CCDC30: variants seen among roughly 807,000 people sequenced by gnomAD.
CCDC30 encodes the protein coiled-coil domain-containing protein 30.
In CCDC30, 70 loss-of-function variants were observed where a neutral mutation model predicts 100.2. That is an observed-to-expected ratio of 0.70 (90% CI 0.58 to 0.85). CCDC30 has a LOEUF of 0.85. Ranked by LOEUF, CCDC30 falls within the 40% of genes least tolerant of loss-of-function variation. CCDC30 has a pLI of 0.00. For synonymous variants in CCDC30, 233 were observed against 269.5 expected (o/e 0.86, Z 1.33); for missense variants, 652 against 771.2 (o/e 0.85, Z 1.83).
At chr1:42,521,322 G>GT (rs998243641) in intron 6 of CCDC30, 1 of 154,482 alleles carries the variant, frequency 6.5e-6, no homozygotes, top group African/African-American at 2.4e-5. Context: ...TGATCCATTG[G>GT]TTTTTTAAAA....
At chr1:42,534,355 G>GA (rs1250250146) in intron 6 of CCDC30, among the ~76,000 whole-genome samples, 1 of 152,128 alleles carries the variant, frequency 6.6e-6, no homozygotes, top group Non-Finnish European at 1.5e-5. Context: ...GTGTGAATCT[G>GA]AAAAAATATT....
At chr1:42,649,352 A>C (rs1648145385) in intron 15 of CCDC30, among the ~76,000 whole-genome samples, 1 of 152,262 alleles carries the variant, frequency 6.6e-6, no homozygotes. Flanking sequence ...GACAAAAACC[A>C]TATGATCATC....
At chr1:42,634,162 G>T (rs949908077) in intron 11 of CCDC30, among the ~76,000 whole-genome samples, 1 of 149,598 alleles carries the variant, frequency 6.7e-6, no homozygotes, top group Non-Finnish European at 1.5e-5. Context: ...CAATAGTGAT[G>T]CACACCTCTA....
At chr1:42,457,119 C>T in the CCDC30 span, 1 of 1,575,966 alleles carries the variant, frequency 6.3e-7, no homozygotes, top group Non-Finnish European at 8.6e-7. Flanking sequence ...CACAGCCTTT[C>T]TTTCCAGCCA....
chr1:42,509,010 C>A (rs751867052), intron 6 of CCDC30, among the ~76,000 whole-genome samples: 1 of 152,152 alleles, frequency 6.6e-6, no homozygotes, highest in Non-Finnish European at 1.5e-5. Context: ...TTGAACTTTA[C>A]AAAAAGTAAC....
At chr1:42,456,229 G>C in the CCDC30 span, 6 of 608,952 alleles carry the variant, frequency 9.9e-6, no homozygotes, top group East Asian at 5.5e-5. Context: ...GCCGAGAAAC[G>C]ACTCCCAAGG....
chr1:42,649,464 G>A (rs1332323997), intron 15 of CCDC30, among the ~76,000 whole-genome samples: 4 of 152,062 alleles, frequency 2.6e-5, no homozygotes, highest in African/African-American at 9.7e-5. Flanking sequence ...TACAATAAAG[G>A]CCATATATGA....
At chr1:42,502,042 C>T (rs1644321701) in intron 6 of CCDC30, among the ~76,000 whole-genome samples, 1 of 152,170 alleles carries the variant, frequency 6.6e-6, no homozygotes, top group Admixed American at 6.5e-5. Flanking sequence ...TCAGCTATGC[C>T]CTGCCCCCAG....
At chr1:42,479,566 T>TAAAAA (rs34698340) in intron 1 of CCDC30, among the ~76,000 whole-genome samples, 1 of 135,448 alleles carries the variant, frequency 7.4e-6, no homozygotes, top group Non-Finnish European at 1.6e-5. Flanking sequence ...GACATATGCT[T>TAAAAA]AAAAAAAAAA....
chr1:42,583,143 C>A (rs750831159), intron 9 of CCDC30, among the ~76,000 whole-genome samples: 3 of 152,196 alleles, frequency 2.0e-5, no homozygotes, highest in Non-Finnish European at 1.5e-5. Context: ...CTCATCCCTT[C>A]TTAAAATGAC....
intron 12 of CCDC30, among the ~76,000 whole-genome samples, chr1:42,640,768 C>T (rs1647323369): frequency 6.6e-6 from 1 of 151,820 alleles, no homozygotes. Flanking sequence ...GTGGTGGGCA[C>T]CTATAATGTC....
intron 6 of CCDC30, chr1:42,556,299 T>C (rs746245913): frequency 6.2e-7 from 1 of 1,613,998 alleles, no homozygotes. Context: ...CAGTTAACCA[T>C]GAAGCCTGAG....
At chr1:42,593,238 T>C (rs895132871) in intron 10 of CCDC30, 1 of 152,220 alleles carries the variant, frequency 6.6e-6, no homozygotes. Flanking sequence ...CACAACCCTC[T>C]CCTTGGGTTT....
At chr1:42,467,235 A>G (rs1284524376) in intron 1 of CCDC30, among the ~76,000 whole-genome samples, 2 of 152,362 alleles carry the variant, frequency 1.3e-5, no homozygotes, top group South Asian at 4.1e-4. Context: ...AAGGTTAAGC[A>G]GCAAGTGATT....
the CCDC30 span, chr1:42,456,874 C>G: frequency 1.9e-6 from 3 of 1,613,214 alleles, no homozygotes; most frequent in Non-Finnish European, 1.7e-6. Flanking sequence ...CTTGGCTGTC[C>G]GCTCTGCGGC....
intron 6 of CCDC30, chr1:42,545,480 A>G (rs1281099102): frequency 1.2e-6 from 2 of 1,605,562 alleles, no homozygotes. Context: ...GCACCTTCTA[A>G]TTTAATTACA....
chr1:42,527,172 C>T (rs899360862), intron 6 of CCDC30, among the ~76,000 whole-genome samples: 2 of 152,218 alleles, frequency 1.3e-5, no homozygotes, highest in African/African-American at 2.4e-5. Flanking sequence ...TGTCCTCTGA[C>T]TGCCTCAGTA....
intron 1 of CCDC30, among the ~76,000 whole-genome samples, chr1:42,472,824 A>G (rs1257447301): frequency 6.6e-6 from 1 of 152,218 alleles, no homozygotes; most frequent in African/African-American, 2.4e-5. Flanking sequence ...GTCTGACTCT[A>G]GTCATATATA....
At position 42,491,686 on chromosome 1, in the gene CCDC30, G is replaced by T. The variant is rs139918052; in HGVS notation, c.241+1457G>T. The T allele has an allele frequency of 3.3e-5, 6 of 180,148 alleles. No homozygotes were observed. The East Asian group carries it at 4.8e-4, about 15-fold the overall frequency. The allele number at this position is 180,148 out of a possible 1,614,324, so 11.2% of individuals were successfully genotyped here. A position where few individuals can be genotyped will look rare whatever the true frequency, so the allele number is the denominator to read the frequency against. ...CTATTTTCCATGACATGATTATTAC[G>T]CATTGCATGCCTGTATCAAAACATG... On this transcript the variant is annotated intron_variant, in intron 4 of 16. Coordinates refer to ENST00000668663, the Ensembl canonical transcript of CCDC30.
Sources: gnomAD v4.1 joint callset for allele counts (sites outside exome capture counted in the v4.1 genomes callset) on GRCh38, gnomAD v4.1.1 for gene constraint, MANE v1.5 for transcripts, NCBI Gene and HGNC (gene_info 2026-07-23, HGNC 2026-07-21) for gene names.